The following INSL6 variants were observed in gnomAD, a reference collection of about 807,000 sequenced individuals.
The protein encoded by INSL6 is insulin like 6.
INSL6 carries 16 observed loss-of-function variants against 9.4 expected under a neutral mutation model. The observed-to-expected ratio is 1.70, with a 90% confidence interval of 1.15 to 2.59. The LOEUF (loss-of-function observed/expected upper bound fraction) is 2.59. Ranked by LOEUF, INSL6 falls within the 30% of genes most tolerant of loss-of-function variation. The pLI is 0.00. For synonymous variants in INSL6, 154 were observed against 96.9 expected, an observed-to-expected ratio of 1.59 and a Z score of -3.46; for missense variants, 391 against 257.3, an observed-to-expected ratio of 1.52 and a Z score of -3.56.
chr9:5,105,113 C>A, the INSL6 span, among the ~76,000 whole-genome samples: 1 of 152,202 alleles, frequency 6.6e-6, no homozygotes, highest in African/African-American at 2.4e-5. Flanking sequence ...AAGAGGAAGT[C>A]AAATTGTCCC....
At chr9:5,034,554 C>T in the INSL6 span, among the ~76,000 whole-genome samples, 20 of 152,098 alleles carry the variant, frequency 1.3e-4, no homozygotes, top group East Asian at 3.9e-3. Flanking sequence ...GACCACAGTG[C>T]AATCAAACTA....
chr9:5,132,433 T>A (rs1002916181), intron 3 of INSL6, among the ~76,000 whole-genome samples: 3 of 152,134 alleles, frequency 2.0e-5, no homozygotes, highest in African/African-American at 7.2e-5. Flanking sequence ...GTATGGACAA[T>A]ACAATCAAAT....
rs532190666 is a variant in INSL6 at position 5,141,895 on chromosome 9, A to T, written c.377-8303T>A. On this transcript the variant is annotated intron_variant, in intron 2 of 3. Coordinates refer to the INSL6 transcript ENST00000649639. ...TAATCCATTTTGTGTTAATTTTTGT[A>T]TATGGTGTAAGGAAGGGGTCCAGTT... 3.3e-5 allele frequency among the ~76,000 whole-genome samples: 5 copies of T among 152,232 alleles called. No individual in the cohort carries two copies. The East Asian group carries it at 9.6e-4, about 29-fold the overall frequency.
At chr9:5,113,918 T>A in the INSL6 span, 2 of 234,274 alleles carry the variant, frequency 8.5e-6, no homozygotes, top group South Asian at 5.4e-5. Flanking sequence ...AGTGGACACT[T>A]ACCCCCGACC....
chr9:5,156,169 C>T (rs754858291), intron 2 of INSL6, among the ~76,000 whole-genome samples: 1 of 152,058 alleles, frequency 6.6e-6, no homozygotes, highest in Non-Finnish European at 1.5e-5. Flanking sequence ...ACTTAAGATA[C>T]AGAAAATCTA....
At chr9:5,060,391 A>G in the INSL6 span, among the ~76,000 whole-genome samples, 6 of 152,176 alleles carry the variant, frequency 3.9e-5, no homozygotes, top group Non-Finnish European at 5.9e-5. Context: ...CCACAGTAGA[A>G]TTTCTTTAGA....
chr9:5,023,118 T>G, the INSL6 span, among the ~76,000 whole-genome samples: 1 of 152,190 alleles, frequency 6.6e-6, no homozygotes, highest in Admixed American at 6.5e-5. Context: ...TCCTTCTGTC[T>G]GTATTTTTGT....
intron 2 of INSL6, among the ~76,000 whole-genome samples, chr9:5,153,781 C>T (rs902436175): frequency 1.3e-5 from 2 of 152,192 alleles, no homozygotes; most frequent in Non-Finnish European, 2.9e-5. Flanking sequence ...TGGAGGACCT[C>T]TTCAAGGAGA....
chr9:5,150,585 C>A (rs1011863237), intron 2 of INSL6, among the ~76,000 whole-genome samples: 30 of 151,930 alleles, frequency 2.0e-4, no homozygotes. Context: ...CAGATATTGA[C>A]GAGGATGTGG....
chr9:5,020,073 G>A, the INSL6 span, among the ~76,000 whole-genome samples: 1 of 152,130 alleles, frequency 6.6e-6, no homozygotes. Flanking sequence ...AGCTGAGTGG[G>A]TCCACAGGCC....
At chr9:5,151,506 G>A (rs955979855) in intron 2 of INSL6, among the ~76,000 whole-genome samples, 7 of 151,984 alleles carry the variant, frequency 4.6e-5, no homozygotes, top group African/African-American at 1.2e-4. Context: ...AAAAATGGAC[G>A]GGGGGTGGGG....
intron 2 of INSL6, among the ~76,000 whole-genome samples, chr9:5,142,493 C>G (rs548478724): frequency 1.3e-5 from 2 of 152,202 alleles, no homozygotes; most frequent in East Asian, 1.9e-4. Flanking sequence ...CGATTTGGCT[C>G]TCAACTTGAG....
chr9:5,143,538 CCCT>C (rs1479674916), intron 2 of INSL6, among the ~76,000 whole-genome samples: 1 of 151,926 alleles, frequency 6.6e-6, no homozygotes, highest in Non-Finnish European at 1.5e-5. Context: ...GTAATAACCC[CCCT>C]GTCATTTCTG....
At chr9:5,141,088 AT>A (rs1185838791) in intron 2 of INSL6, among the ~76,000 whole-genome samples, 1 of 152,050 alleles carries the variant, frequency 6.6e-6, no homozygotes, top group African/African-American at 2.4e-5. Flanking sequence ...TATGTACCAC[AT>A]TTTTTTAATC....
At chr9:5,146,771 G>C (rs989497045) in intron 2 of INSL6, among the ~76,000 whole-genome samples, 7 of 152,206 alleles carry the variant, frequency 4.6e-5, no homozygotes, top group East Asian at 1.9e-4. Context: ...AGTTGTGTGG[G>C]TTTGGGGGAA....
At chr9:5,066,245 T>A in the INSL6 span, among the ~76,000 whole-genome samples, 1 of 152,134 alleles carries the variant, frequency 6.6e-6, no homozygotes, top group African/African-American at 2.4e-5. Context: ...GACTTTGTTA[T>A]CGTACTGAAT....
chr9:5,050,363 A>G, the INSL6 span, among the ~76,000 whole-genome samples: 1 of 152,254 alleles, frequency 6.6e-6, no homozygotes, highest in African/African-American at 2.4e-5. Context: ...TGGTGTGATC[A>G]TAGCTGAAGA....
At chr9:5,080,214 C>A in the INSL6 span, 1 of 1,592,012 alleles carries the variant, frequency 6.3e-7, no homozygotes, top group Non-Finnish European at 8.6e-7. Context: ...CTACTCTGTT[C>A]GTATCATTTA....
chr9:5,110,749 G>C, the INSL6 span: 1 of 373,516 alleles, frequency 2.7e-6, no homozygotes. Flanking sequence ...TATTTTCTTT[G>C]CTCTGCGGAC....
Sources: gnomAD v4.1 joint callset for allele counts (sites outside exome capture counted in the v4.1 genomes callset) on GRCh38, gnomAD v4.1.1 for gene constraint, MANE v1.5 for transcripts, NCBI Gene and HGNC (gene_info 2026-07-23, HGNC 2026-07-21) for gene names.